GPX3: variants seen among roughly 807,000 people sequenced by gnomAD.
GPX3 encodes GPx-3.
In GPX3, 22 loss-of-function variants were observed where a neutral mutation model predicts 25.1. The observed-to-expected ratio is 0.88, with a 90% CI of 0.63 to 1.25. The LOEUF is 1.25. GPX3 is among the 50% of genes most tolerant of loss of function. The pLI, the probability that GPX3 is intolerant of heterozygous loss-of-function variation, is 0.00. For synonymous variants in GPX3, 110 were observed against 114.5 expected (o/e 0.96, Z 0.25); for missense variants, 278 against 286.6 (o/e 0.97, Z 0.22).
chr5:151,028,420 G>T lies in GPX3; in HGVS notation c.*290G>T, dbSNP rs1358749421. On this transcript the variant is annotated 3_prime_UTR_variant, in exon 5 of 5. Transcript: ENST00000388825. ...CTTTCTGGGAATGTGTACCATCTGTGTGCCTGCAGCTGTGTAGTGCTGGAC... is the reference window on the plus strand; with the variant it reads ...CTTTCTGGGAATGTGTACCATCTGTTTGCCTGCAGCTGTGTAGTGCTGGAC... The T allele has an allele frequency of 4.6e-6, 2 of 437,326 alleles. No individual in the cohort carries two copies. Among genetic ancestry groups the T allele is most frequent in the Admixed American group, 3.6e-5 (1 of 27,848 alleles). 27.1% of individuals were successfully genotyped at this position (437,326 alleles called of 1,614,324 possible). A position where few individuals can be genotyped will look rare whatever the true frequency, so the allele number is the denominator to read the frequency against.
chr5:151,025,199 G>A (rs1413826978), intron 1 of GPX3, 141 bp from the exon 2 acceptor site: 12 of 559,824 alleles, frequency 2.1e-5, no homozygotes, highest in Middle Eastern at 3.5e-4. Context: ...ATTAGGAGAC[G>A]TCAGTGCTAG....
Position 151,025,430 on chromosome 5 carries a change from G to A in GPX3, c.178G>A (p.Ala60Thr). 6.2e-7 allele frequency: 1 copy of A among 1,612,950 alleles called. No individual in the cohort carries two copies. Among genetic ancestry groups the A allele is most frequent in the Non-Finnish European group, 8.5e-7 (1 of 1,179,452 alleles). Residue 60 changes from alanine to threonine, a missense_variant, in exon 2 of 5, where the codon GCT becomes ACT. Physicochemically the swap from Ala to Thr is moderately conservative, Grantham distance 58 (BLOSUM62 0). Coordinates refer to ENST00000388825, the MANE Select transcript of GPX3 (RefSeq NM_002084.5). ...GEEYIPFKQYAGKYVLFVNVA... is the reference protein window; with the variant it reads ...GEEYIPFKQYTGKYVLFVNVA... Reference sequence around the variant, plus strand: ...GGAGTACATCCCCTTCAAGCAGTATGCTGGCAAATACGTCCTCTTTGTCAA... The same window carrying A: ...GGAGTACATCCCCTTCAAGCAGTATACTGGCAAATACGTCCTCTTTGTCAA...
rs1260314272 is a variant in GPX3, at chr5:151,027,507, G to C, written c.435G>C (p.Glu145Asp). The C allele has an allele frequency of 6.2e-7, 1 of 1,612,386 alleles. No homozygotes were observed. Among genetic ancestry groups the C allele is most frequent in the East Asian group, 2.2e-5 (1 of 44,888 alleles). ...AAGGGGATGTCAATGGAGAGAAAGA[G>C]CAGAAATTCTACACTTTCCTAAAGG... ...FEKGDVNGEK[E>D]QKFYTFLKNS... The change falls in exon 4 of 5, where the codon GAG (glutamate) becomes GAC (aspartate). Residue 145 changes from glutamate to aspartate, a missense_variant. Glu to Asp is a conservative substitution (Grantham distance 45). Coordinates refer to ENST00000388825, the MANE Select transcript of GPX3 (RefSeq NM_002084.5).
chr5:151,027,811 T>C, intron 4 of GPX3, 98 bp from the exon 5 acceptor site: 1 of 1,022,820 alleles, frequency 9.8e-7, no homozygotes, highest in South Asian at 1.3e-5. Flanking sequence ...AAACTGGGGC[T>C]CTTTTCTCAG....
chr5:151,025,902 C>T (rs1280798243), intron 2 of GPX3, among the ~76,000 whole-genome samples: 6 of 152,158 alleles, frequency 3.9e-5, no homozygotes, highest in Non-Finnish European at 1.5e-5. Flanking sequence ...GCAATTGCCT[C>T]GAGGCCCCAG....
intron 4 of GPX3, 188 bp from the exon 5 acceptor site, chr5:151,027,721 C>G: frequency 2.9e-6 from 2 of 683,272 alleles, no homozygotes. Flanking sequence ...CAGAAAGGCC[C>G]AGAAGGACCC....
intron 1 of GPX3, among the ~76,000 whole-genome samples, chr5:151,023,550 CATT>C (rs1561787558): frequency 6.6e-6 from 1 of 152,174 alleles, no homozygotes; most frequent in African/African-American, 2.4e-5. Context: ...TACAAGTTCC[CATT>C]ATTAGGACAA....
intron 1 of GPX3, 84 bp from the exon 2 acceptor site, chr5:151,025,256 G>A (rs1240165923): frequency 9.5e-6 from 11 of 1,163,232 alleles, no homozygotes; most frequent in African/African-American, 1.6e-5. Flanking sequence ...CACTCTCTCT[G>A]TTGGGATCTT....
chr5:151,022,819 G>C (rs535491823), intron 1 of GPX3, among the ~76,000 whole-genome samples: 118 of 152,284 alleles, frequency 7.7e-4, no homozygotes, highest in African/African-American at 2.6e-3. Context: ...ACCTGGCAGA[G>C]AGAATCATGG....
In GPX3 at chr5:151,025,489, C is replaced by G. The variant is rs775560970; in HGVS notation, c.237C>G (p.Tyr79Ter). 1 of 1,604,608 alleles carries G rather than the reference C, an allele frequency of 6.2e-7. No individual in the cohort carries two copies. The highest frequency in any genetic ancestry group is 1.7e-5 in the Admixed American group (1 of 58,814). ...VASYUGLTGQ[Y>*]IELNALQEEL... ...GCTACTGAGGCCTGACGGGCCAGTA[C>G]ATTGGTAAGAGCCCACCCTTCCTCC... The change falls in exon 2 of 5, where the codon TAC becomes TAG. Residue 79 changes from tyrosine to a stop codon, truncating the protein, a stop_gained. Coordinates refer to ENST00000388825, the MANE Select transcript of GPX3 (RefSeq NM_002084.5). LOFTEE classifies it high-confidence loss of function.
intron 1 of GPX3, among the ~76,000 whole-genome samples, chr5:151,025,110 A>C (rs1481007803): frequency 6.6e-6 from 1 of 152,134 alleles, no homozygotes; most frequent in East Asian, 1.9e-4. Context: ...AATATTAATA[A>C]GTGCTTTTTA....
At position 151,020,664 on chromosome 5, in the gene GPX3, C is replaced by T; in HGVS notation, c.10C>T (p.Leu4=). 1.2e-6 allele frequency: 2 copies of T among 1,609,208 alleles called. No individual in the cohort carries two copies. The highest frequency in any genetic ancestry group is 1.7e-6 in the Non-Finnish European group (2 of 1,178,352). The change falls in exon 1 of 5, where the codon CTG becomes TTG. Residue 4 remains leucine (L), a synonymous_variant. Coordinates refer to ENST00000388825, the MANE Select transcript of GPX3 (RefSeq NM_002084.5). ...GTGCCCCCACCCCGCCATGGCCCGG[C>T]TGCTGCAGGCGTCCTGCCTGCTTTC... MAR[L]LQASCLLSLL...
chr5:151,027,103 C>T (rs991721915), intron 3 of GPX3, 86 bp downstream of exon 3: 12 of 899,984 alleles, frequency 1.3e-5, no homozygotes, highest in Non-Finnish European at 2.0e-5. Flanking sequence ...GGACATTTAT[C>T]GGCCACCAAG....
chr5:151,025,435 CAA>C lies in GPX3; in HGVS notation c.185_186del (p.Lys62IlefsTer19), dbSNP rs751560977. On this transcript the variant is annotated frameshift_variant, in exon 2 of 5. Coordinates refer to ENST00000388825, the MANE Select transcript of GPX3 (RefSeq NM_002084.5). LOFTEE classifies it high-confidence loss of function. The stretch of plus-strand genomic sequence containing the variant: ...ACATCCCCTTCAAGCAGTATGCTGG[CAA>C]ATACGTCCTCTTTGTCAACGTGGCC... ...EYIPFKQYAG[K>X]YVLFVNVASY... 1.1e-4 allele frequency: 178 copies of C among 1,612,808 alleles called. No homozygotes were observed. Among genetic ancestry groups the C allele is most frequent in the Middle Eastern group, 1.7e-4 (1 of 6,034 alleles).
intron 1 of GPX3, 180 bp downstream of exon 1, chr5:151,020,921 G>C (rs909672376): frequency 1.9e-4 from 129 of 691,356 alleles, no homozygotes; most frequent in Non-Finnish European, 3.2e-4. Context: ...CCCGACCGTC[G>C]TCGTCTCGTA....
intron 1 of GPX3, among the ~76,000 whole-genome samples, chr5:151,022,051 C>A (rs1411868602): frequency 6.6e-6 from 1 of 152,228 alleles, no homozygotes; most frequent in Admixed American, 6.5e-5. Flanking sequence ...TCCTTGGAGT[C>A]AGTCTAAATG....
chr5:151,027,518 A>G lies in GPX3; in HGVS notation c.446A>G (p.Tyr149Cys). 2 of 1,608,708 alleles carry G rather than the reference A, an allele frequency of 1.2e-6. No individual in the cohort carries two copies. The highest frequency in any genetic ancestry group is 1.7e-6 in the Non-Finnish European group (2 of 1,175,016). Residue 149 changes from tyrosine to cysteine, a missense_variant, in exon 4 of 5, where the codon TAC (tyrosine) becomes TGC (cysteine). Physicochemically the swap from Tyr to Cys is radical, Grantham distance 194 (BLOSUM62 -2). Coordinates refer to ENST00000388825, the MANE Select transcript of GPX3 (RefSeq NM_002084.5). The stretch of plus-strand genomic sequence containing the variant: ...AATGGAGAGAAAGAGCAGAAATTCT[A>G]CACTTTCCTAAAGGTAAGTGAGCTG... Reference protein sequence around the residue: ...DVNGEKEQKFYTFLKNSCPPT... With the variant: ...DVNGEKEQKFCTFLKNSCPPT...
intron 1 of GPX3, 94 bp downstream of exon 1, chr5:151,020,835 G>C (rs1400766400): frequency 8.5e-7 from 1 of 1,174,366 alleles, no homozygotes; most frequent in African/African-American, 1.5e-5. Context: ...CAGGCTCCCC[G>C]CCAGATGGGC....
At chr5:151,024,253 G>A (rs910345803) in intron 1 of GPX3, among the ~76,000 whole-genome samples, 12 of 152,150 alleles carry the variant, frequency 7.9e-5, no homozygotes, top group East Asian at 1.9e-4. Context: ...ATCACGACCA[G>A]CCCACCTGCC....
Sources: allele counts gnomAD v4.1 joint callset (sites outside exome capture counted in the v4.1 genomes callset), GRCh38; gene constraint gnomAD v4.1.1; transcripts MANE v1.5; gene names NCBI Gene and HGNC (gene_info 2026-07-23, HGNC 2026-07-21).